Variants in PARVA observed in about 807,000 individuals in gnomAD.
PARVA encodes the protein parvin alpha.
In PARVA, 25 loss-of-function variants were observed where a neutral mutation model predicts 52.6. The observed-to-expected ratio is 0.48, with a 90% CI of 0.35 to 0.66. PARVA has a LOEUF of 0.66. Among genes scored for constraint, PARVA ranks in the 30% least tolerant of loss-of-function variants. The pLI, the probability that PARVA is intolerant of heterozygous loss-of-function variation, is 0.01. For synonymous variants in PARVA, 185 were observed against 179.1 expected, an observed-to-expected ratio of 1.03 and a Z score of -0.26; for missense variants, 373 against 450.9, an observed-to-expected ratio of 0.83 and a Z score of 1.56.
chr11:12,405,197 A>T (rs990701840), intron 1 of PARVA, among the ~76,000 whole-genome samples: 2 of 152,184 alleles, frequency 1.3e-5, no homozygotes, highest in Non-Finnish European at 2.9e-5. Context: ...TGGGGCTGGG[A>T]CAGGTCCAGA....
intron 1 of PARVA, among the ~76,000 whole-genome samples, chr11:12,459,762 C>T (rs1379503352): frequency 6.6e-6 from 1 of 152,114 alleles, no homozygotes. Flanking sequence ...ATATATAAAA[C>T]ATAGACACAC....
intron 6 of PARVA, 35 bp from the exon 7 acceptor site, chr11:12,508,549 T>G (rs1219040007): frequency 1.3e-6 from 2 of 1,491,952 alleles, no homozygotes; most frequent in South Asian, 2.3e-5. Context: ...AGTTTTCTCT[T>G]CTCCTCCCAA....
intron 1 of PARVA, among the ~76,000 whole-genome samples, chr11:12,459,568 T>C (rs1940747565): frequency 6.6e-6 from 1 of 152,168 alleles, no homozygotes; most frequent in Admixed American, 6.5e-5. Context: ...ATGACCCAAC[T>C]GTCCCCTTCC....
Position 12,530,944 on chromosome 11 carries a change from G to C in PARVA, c.*3019G>C, listed in dbSNP as rs1941765084. ...AAACCTATGGGGTGCAGGACCAGAGGCTGGGGCACATTATCAGAGGCATCC... is the reference window on the plus strand; with the variant it reads ...AAACCTATGGGGTGCAGGACCAGAGCCTGGGGCACATTATCAGAGGCATCC... On this transcript the variant is annotated 3_prime_UTR_variant, in exon 13 of 13. Transcript: ENST00000334956. 6.6e-6 allele frequency: 1 copy of C among 152,188 alleles called. No homozygotes were observed. Among genetic ancestry groups the C allele is most frequent in the African/African-American group, 2.4e-5 (1 of 41,448 alleles). 9.4% of individuals were successfully genotyped at this position (152,188 alleles called of 1,614,324 possible).
intron 1 of PARVA, among the ~76,000 whole-genome samples, chr11:12,405,597 T>C (rs970246712): frequency 3.3e-5 from 5 of 151,884 alleles, no homozygotes; most frequent in African/African-American, 4.8e-5. Context: ...AAATAAACCA[T>C]AGTGTTTTTG....
chr11:12,474,509 C>G (rs1589971723), intron 3 of PARVA, among the ~76,000 whole-genome samples: 1 of 152,212 alleles, frequency 6.6e-6, no homozygotes, highest in East Asian at 1.9e-4. Context: ...CGTCTTATTC[C>G]CTGTCCTATG....
At chr11:12,512,719 T>A (rs1417380626) in intron 8 of PARVA, among the ~76,000 whole-genome samples, 1 of 152,236 alleles carries the variant, frequency 6.6e-6, no homozygotes, top group Admixed American at 6.5e-5. Context: ...TTCATCCTCA[T>A]GACAAACCTG....
intron 4 of PARVA, among the ~76,000 whole-genome samples, chr11:12,482,979 C>T (rs1352564646): frequency 6.6e-6 from 1 of 152,198 alleles, no homozygotes; most frequent in Non-Finnish European, 1.5e-5. Context: ...GGTGAGCGTC[C>T]TTGAGATGCC....
At chr11:12,413,877 A>G (rs890223430) in intron 1 of PARVA, among the ~76,000 whole-genome samples, 1 of 152,272 alleles carries the variant, frequency 6.6e-6, no homozygotes, top group Non-Finnish European at 1.5e-5. Flanking sequence ...AAAGTTTGTA[A>G]CCAGAGAACA....
intron 1 of PARVA, among the ~76,000 whole-genome samples, chr11:12,398,822 C>A (rs754155087): frequency 6.6e-6 from 1 of 152,096 alleles, no homozygotes; most frequent in Non-Finnish European, 1.5e-5. Flanking sequence ...TCCTCTTAAC[C>A]CATGTTGCAA....
chr11:12,423,480 A>G (rs1940183287), intron 1 of PARVA, among the ~76,000 whole-genome samples: 2 of 147,946 alleles, frequency 1.4e-5, no homozygotes, highest in Non-Finnish European at 3.0e-5. Flanking sequence ...AATAGACTTT[A>G]TGATATTCGA....
chr11:12,443,499 C>T (rs12793622), intron 1 of PARVA, among the ~76,000 whole-genome samples: 44,187 of 152,022 alleles, frequency 0.29, 7,009 homozygotes, highest in Non-Finnish European at 0.35. Context: ...ATCTGTCACA[C>T]ACCACTTCTT....
At chr11:12,407,707 G>A (rs1045667667) in intron 1 of PARVA, among the ~76,000 whole-genome samples, 1 of 152,178 alleles carries the variant, frequency 6.6e-6, no homozygotes, top group African/African-American at 2.4e-5. Flanking sequence ...TCTAAGGCCT[G>A]GAAGTATTAG....
upstream of PARVA, chr11:12,377,300 G>C (rs1331588481): frequency 7.4e-6 from 5 of 671,918 alleles, no homozygotes; most frequent in African/African-American, 7.7e-5. Flanking sequence ...GTGTGGTGGG[G>C]ACAGAGCCTG....
chr11:12,377,954 A>C (rs1385355562), intron 1 of PARVA, among the ~76,000 whole-genome samples, 171 bp downstream of exon 1: 2 of 147,992 alleles, frequency 1.4e-5, no homozygotes, highest in Non-Finnish European at 3.0e-5. Context: ...AGCGACGCGC[A>C]CCCCACACTG....
chr11:12,387,611 GA>G (rs1236034582), intron 1 of PARVA, among the ~76,000 whole-genome samples: 1 of 151,848 alleles, frequency 6.6e-6, no homozygotes, highest in East Asian at 1.9e-4. Context: ...CTACCCCTAG[GA>G]ATCTCTTTTC....
At chr11:12,492,903 G>T (rs929691616) in intron 4 of PARVA, among the ~76,000 whole-genome samples, 1 of 151,944 alleles carries the variant, frequency 6.6e-6, no homozygotes, top group Non-Finnish European at 1.5e-5. Context: ...GTTATAACCT[G>T]GCTGTATGTC....
chr11:12,488,790 A>G lies in PARVA; in HGVS notation c.401-7668A>G, dbSNP rs527647035. Among the ~76,000 whole-genome samples, 3 of 152,328 alleles carry G rather than the reference A, an allele frequency of 2.0e-5. No homozygotes were observed. The East Asian group carries it at 5.8e-4, about 29-fold the overall frequency. ...GTGACTTTAAAAAATCTAAATTGAA[A>G]TTTTAGTTACAAGTTGTCCCAGGTC... On this transcript the variant is annotated intron_variant, in intron 4 of 12. Transcript: ENST00000334956.
upstream of PARVA, chr11:12,377,278 T>C: frequency 1.9e-6 from 1 of 533,544 alleles, no homozygotes; most frequent in South Asian, 4.6e-5. Flanking sequence ...CAGATGTGTT[T>C]TGCGCCAGGC....
Sources: allele counts gnomAD v4.1 joint callset (sites outside exome capture counted in the v4.1 genomes callset), GRCh38; gene constraint gnomAD v4.1.1; transcripts MANE v1.5; gene names NCBI Gene and HGNC (gene_info 2026-07-23, HGNC 2026-07-21).